The following IMMP2L variants were observed in gnomAD, a reference collection of about 807,000 sequenced individuals.
The protein encoded by IMMP2L is inner mitochondrial membrane peptidase subunit 2.
A neutral mutation model predicts 19.3 loss-of-function variants in IMMP2L; 18 were observed. The ratio of observed to expected loss-of-function variants is 0.93; its 90% CI spans 0.64 to 1.38. The LOEUF (loss-of-function observed/expected upper bound fraction) is 1.38. Ranked by LOEUF, IMMP2L falls within the 40% of genes most tolerant of loss-of-function variation. The probability of loss-of-function intolerance (pLI) is 0.00; values close to 1 mark genes in which losing one functional copy is unlikely to be tolerated. For missense variants in IMMP2L, 233 were observed against 218.2 expected, an observed-to-expected ratio of 1.07 and a Z score of -0.43; for synonymous variants, 76 against 73.0, an observed-to-expected ratio of 1.04 and a Z score of -0.21.
intron 3 of IMMP2L, among the ~76,000 whole-genome samples, chr7:111,191,486 C>T (rs1808873406): frequency 6.8e-6 from 1 of 147,822 alleles, no homozygotes; most frequent in African/African-American, 2.5e-5. Context: ...AACTTATATG[C>T]TTTTACATCT....
chr7:111,253,809 G>A (rs1486881303), intron 3 of IMMP2L, among the ~76,000 whole-genome samples: 5 of 152,086 alleles, frequency 3.3e-5, no homozygotes, highest in Non-Finnish European at 5.9e-5. Context: ...CAAAAAGCCA[G>A]GCAAGTAATG....
At chr7:111,018,227 C>A (rs773161974) in intron 3 of IMMP2L, among the ~76,000 whole-genome samples, 2 of 152,016 alleles carry the variant, frequency 1.3e-5, no homozygotes, top group African/African-American at 4.8e-5. Flanking sequence ...GCAGAGCCAC[C>A]CCAGGTGTTC....
intron 4 of IMMP2L, among the ~76,000 whole-genome samples, chr7:110,898,487 A>C (rs932460478): frequency 6.6e-6 from 1 of 152,214 alleles, no homozygotes; most frequent in African/African-American, 2.4e-5. Flanking sequence ...TGCCTGTTAA[A>C]ATAATCACTT....
intron 2 of IMMP2L, among the ~76,000 whole-genome samples, chr7:111,488,913 G>C (rs984579074): frequency 5.9e-5 from 9 of 151,696 alleles, no homozygotes; most frequent in African/African-American, 1.9e-4. Context: ...GAGTGAGGTA[G>C]TATTGCATTG....
At chr7:111,284,073 T>C (rs998962863) in intron 3 of IMMP2L, among the ~76,000 whole-genome samples, 3 of 151,642 alleles carry the variant, frequency 2.0e-5, no homozygotes, top group Non-Finnish European at 4.4e-5. Flanking sequence ...CCTCAGTATA[T>C]ATAACAAAAG....
intron 3 of IMMP2L, among the ~76,000 whole-genome samples, chr7:111,147,341 A>T (rs1400218267): frequency 6.6e-6 from 1 of 152,128 alleles, no homozygotes. Context: ...TTTAATTAAT[A>T]TAAAGGTCTT....
intron 3 of IMMP2L, among the ~76,000 whole-genome samples, chr7:111,021,392 G>C (rs556646587): frequency 3.2e-4 from 49 of 152,312 alleles, no homozygotes; most frequent in African/African-American, 1.2e-3. Context: ...CTTACTCACT[G>C]TATTAGTCTG....
At chr7:110,729,287 C>T (rs1287726713) in intron 5 of IMMP2L, among the ~76,000 whole-genome samples, 1 of 152,116 alleles carries the variant, frequency 6.6e-6, no homozygotes, top group African/African-American at 2.4e-5. Context: ...GCTGGGGAGG[C>T]CTCAAGAAAC....
intron 3 of IMMP2L, among the ~76,000 whole-genome samples, chr7:111,282,717 G>A (rs1168237426): frequency 1.3e-5 from 2 of 152,018 alleles, no homozygotes; most frequent in African/African-American, 4.8e-5. Context: ...CCAAGTAGCT[G>A]GGACCACAGG....
intron 5 of IMMP2L, among the ~76,000 whole-genome samples, chr7:110,730,464 G>C (rs1796187328): frequency 6.6e-6 from 1 of 152,168 alleles, no homozygotes. Context: ...CAGACTGAAG[G>C]CTGCACTGTC....
chr7:111,063,363 C>T (rs1447592789), intron 3 of IMMP2L, among the ~76,000 whole-genome samples: 2 of 152,136 alleles, frequency 1.3e-5, no homozygotes, highest in African/African-American at 4.8e-5. Context: ...GACTCTAGGC[C>T]TAGCCCACAA....
chr7:111,517,310 T>C (rs2132633082), intron 2 of IMMP2L, among the ~76,000 whole-genome samples: 1 of 152,206 alleles, frequency 6.6e-6, no homozygotes, highest in African/African-American at 2.4e-5. Context: ...TTTCCTAATA[T>C]ATTCTGCATA....
At chr7:110,687,515 C>T (rs547660055) in intron 5 of IMMP2L, among the ~76,000 whole-genome samples, 22 of 152,046 alleles carry the variant, frequency 1.4e-4, no homozygotes, top group African/African-American at 4.6e-4. Flanking sequence ...TTCCCTTAGA[C>T]AATACTTAGG....
intron 3 of IMMP2L, among the ~76,000 whole-genome samples, chr7:111,109,108 A>G (rs969492991): frequency 6.6e-6 from 1 of 152,216 alleles, no homozygotes; most frequent in African/African-American, 2.4e-5. Flanking sequence ...GGGATATTTT[A>G]AGTAAGGTGG....
chr7:111,505,546 A>G (rs999069299), intron 2 of IMMP2L, among the ~76,000 whole-genome samples: 5 of 152,194 alleles, frequency 3.3e-5, no homozygotes, highest in Admixed American at 2.0e-4. Flanking sequence ...CACTATTCAC[A>G]ATAGCAAAGA....
At chr7:110,675,626 CA>C (rs1426831080) in intron 5 of IMMP2L, among the ~76,000 whole-genome samples, 2 of 152,168 alleles carry the variant, frequency 1.3e-5, no homozygotes, top group African/African-American at 4.8e-5. Context: ...GTGGTTAGGT[CA>C]GCAATGACCA....
intron 3 of IMMP2L, among the ~76,000 whole-genome samples, chr7:111,002,036 C>G (rs1443407382): frequency 6.6e-6 from 1 of 151,974 alleles, no homozygotes; most frequent in African/African-American, 2.4e-5. Flanking sequence ...CACTGAGACA[C>G]AACACATCAA....
At chr7:111,538,892 G>A (rs1848149702) in intron 1 of IMMP2L, among the ~76,000 whole-genome samples, 1 of 150,104 alleles carries the variant, frequency 6.7e-6, no homozygotes. Context: ...AGGCTGAGGT[G>A]GGCAGATCAC....
intron 5 of IMMP2L, among the ~76,000 whole-genome samples, chr7:110,681,425 G>T (rs1792710620): frequency 6.6e-6 from 1 of 151,980 alleles, no homozygotes; most frequent in Admixed American, 6.6e-5. Context: ...GCACATGAAG[G>T]TTTGTACACA....
Sources: allele counts gnomAD v4.1 joint callset (sites outside exome capture counted in the v4.1 genomes callset), GRCh38; gene constraint gnomAD v4.1.1; transcripts MANE v1.5; gene names NCBI Gene and HGNC (gene_info 2026-07-23, HGNC 2026-07-21).